Variants in PLEKHA7 observed in about 807,000 individuals in gnomAD.
PLEKHA7 encodes pleckstrin homology domain containing A7.
A neutral mutation model predicts 170.0 loss-of-function variants in PLEKHA7; 104 were observed. That is an observed-to-expected ratio of 0.61 (90% CI 0.52 to 0.72). The LOEUF (loss-of-function observed/expected upper bound fraction) is 0.72, where lower values mean the gene tolerates loss of function less well. PLEKHA7 is among the 30% of genes least tolerant of loss of function. The probability of loss-of-function intolerance (pLI) is 0.00; values close to 1 mark genes in which losing one functional copy is unlikely to be tolerated. For synonymous variants in PLEKHA7, 648 were observed against 660.8 expected (o/e 0.98, Z 0.30); for missense variants, 1,615 against 1,671.7 (o/e 0.97, Z 0.59).
chr11:16,913,947 T>C (rs1046303266), intron 3 of PLEKHA7, among the ~76,000 whole-genome samples: 7 of 152,248 alleles, frequency 4.6e-5, no homozygotes, highest in Admixed American at 3.9e-4. Flanking sequence ...AAATCGTTCT[T>C]TAAAAAGTGA....
chr11:16,983,851 C>T (rs1863578605), intron 3 of PLEKHA7, among the ~76,000 whole-genome samples: 1 of 152,150 alleles, frequency 6.6e-6, no homozygotes, highest in Non-Finnish European at 1.5e-5. Context: ...GACTAGAAGG[C>T]ACCCAGGTCC....
At chr11:16,954,893 T>C (rs1320151986) in intron 3 of PLEKHA7, among the ~76,000 whole-genome samples, 1 of 152,056 alleles carries the variant, frequency 6.6e-6, no homozygotes, top group African/African-American at 2.4e-5. Context: ...GGTTTCACTA[T>C]GTTGGCCAGG....
intron 3 of PLEKHA7, among the ~76,000 whole-genome samples, chr11:17,004,402 T>TC (rs1432228927): frequency 6.6e-6 from 1 of 151,418 alleles, no homozygotes; most frequent in Non-Finnish European, 1.5e-5. Flanking sequence ...TTTTTCTTTT[T>TC]TTTTTTTAAG....
chr11:16,782,416 C>T (rs1056679743), intron 26 of PLEKHA7, among the ~76,000 whole-genome samples: 1 of 152,162 alleles, frequency 6.6e-6, no homozygotes. Context: ...AAACCTTGGC[C>T]CCTTGGCTCA....
At chr11:16,800,452 A>G (rs181219725) in intron 17 of PLEKHA7, among the ~76,000 whole-genome samples, 1 of 152,304 alleles carries the variant, frequency 6.6e-6, no homozygotes, top group East Asian at 1.9e-4. Flanking sequence ...GGTCACAGAG[A>G]TGGGCATCAC....
intron 4 of PLEKHA7, among the ~76,000 whole-genome samples, chr11:16,868,963 G>C (rs1854613240): frequency 6.6e-6 from 1 of 152,138 alleles, no homozygotes; most frequent in Admixed American, 6.5e-5. Context: ...ATGGAAGTTG[G>C]TAACTTCCCA....
At chr11:17,012,052 C>G (rs555571917) in intron 3 of PLEKHA7, among the ~76,000 whole-genome samples, 1 of 152,296 alleles carries the variant, frequency 6.6e-6, no homozygotes, top group Non-Finnish European at 1.5e-5. Flanking sequence ...GTGCTACCAC[C>G]CTCAGGCAAG....
At position 16,791,659 on chromosome 11, in the gene PLEKHA7, C is replaced by A. The variant is rs751750044; in HGVS notation, c.2746-460G>T. 6 of 459,338 alleles carry A rather than the reference C, an allele frequency of 1.3e-5. No homozygotes were observed. The highest frequency in any genetic ancestry group is 2.2e-5 in the Non-Finnish European group (5 of 228,928). 28.5% of individuals were successfully genotyped at this position (459,338 alleles called of 1,614,324 possible). ...CTCATTGGCCCTACACGAGCTCTGGCGCCTTCAGCAAGGTGGGGACCTGAA... is the reference window on the plus strand; with the variant it reads ...CTCATTGGCCCTACACGAGCTCTGGAGCCTTCAGCAAGGTGGGGACCTGAA... On this transcript the variant is annotated intron_variant, in intron 19 of 26. Transcript: ENST00000531066. This position sits in a 1 kb window ranked among gnomAD's most constrained non-coding sequence, Gnocchi z 4.5.
Position 16,954,812 on chromosome 11 carries a change from T to A in PLEKHA7, c.221+59177A>T, listed in dbSNP as rs368841634. 5.9e-5 allele frequency among the ~76,000 whole-genome samples: 9 copies of A among 151,698 alleles called. No individual in the cohort carries two copies. The South Asian group carries it at 6.2e-4, about 11-fold the overall frequency. On this transcript the variant is annotated intron_variant, in intron 3 of 26. Transcript: ENST00000531066. ...TTCAAGCAATTCTCCTGCTTCAGCC[T>A]CCGGAGTAGCTGGGATTGCAGGCAC... is the stretch of plus-strand genomic sequence containing the variant.
chr11:16,826,632 A>G, intron 9 of PLEKHA7, 42 bp from the exon 10 acceptor site: 2 of 1,544,534 alleles, frequency 1.3e-6, no homozygotes, highest in South Asian at 1.2e-5. Flanking sequence ...CACAGCCAAG[A>G]CTCCATGATG....
chr11:16,971,188 C>A (rs1031077299), intron 3 of PLEKHA7, among the ~76,000 whole-genome samples: 3 of 152,176 alleles, frequency 2.0e-5, no homozygotes, highest in African/African-American at 7.2e-5. Flanking sequence ...ATGACCTTTA[C>A]ACAAGTCAAT....
chr11:16,988,618 T>C (rs1456752149), intron 3 of PLEKHA7, among the ~76,000 whole-genome samples: 1 of 151,750 alleles, frequency 6.6e-6, no homozygotes, highest in Non-Finnish European at 1.5e-5. Flanking sequence ...AGCTAATTTT[T>C]TGTATTTTTA....
chr11:16,820,107 C>A (rs998025847), intron 10 of PLEKHA7, among the ~76,000 whole-genome samples: 5 of 152,168 alleles, frequency 3.3e-5, no homozygotes, highest in African/African-American at 1.2e-4. Flanking sequence ...TGGTTATCAG[C>A]CCCACCTCAG....
intron 3 of PLEKHA7, among the ~76,000 whole-genome samples, chr11:16,880,444 C>T (rs992594305): frequency 6.6e-6 from 1 of 152,230 alleles, no homozygotes; most frequent in Admixed American, 6.5e-5. Flanking sequence ...ACACTTCAAC[C>T]TTCAGTGCCT....
chr11:16,841,273 TC>T (rs1382409607), intron 9 of PLEKHA7, among the ~76,000 whole-genome samples: 1 of 152,152 alleles, frequency 6.6e-6, no homozygotes, highest in Non-Finnish European at 1.5e-5. Flanking sequence ...GCCTGTCCTC[TC>T]CCTACCTGGT....
chr11:16,950,762 T>C (rs1861357834), intron 3 of PLEKHA7, among the ~76,000 whole-genome samples: 1 of 152,208 alleles, frequency 6.6e-6, no homozygotes, highest in South Asian at 2.1e-4. Context: ...AACAGCTTTT[T>C]CCAAACATTT....
intron 3 of PLEKHA7, among the ~76,000 whole-genome samples, chr11:16,946,833 G>A (rs1003535045): frequency 6.6e-6 from 1 of 151,674 alleles, no homozygotes; most frequent in Non-Finnish European, 1.5e-5. Context: ...ACACTCCCTC[G>A]GCCACCATTC....
At chr11:16,906,514 G>T (rs556844290) in intron 3 of PLEKHA7, among the ~76,000 whole-genome samples, 3 of 139,620 alleles carry the variant, frequency 2.1e-5, no homozygotes, top group African/African-American at 6.2e-5. Context: ...GTGGAGACGG[G>T]GTTTCGCTGT....
intron 8 of PLEKHA7, among the ~76,000 whole-genome samples, chr11:16,849,133 C>A (rs970139943): frequency 6.6e-6 from 1 of 152,174 alleles, no homozygotes; most frequent in African/African-American, 2.4e-5. Flanking sequence ...CCCAAACACA[C>A]GATGCCTTCT....
Sources: allele counts gnomAD v4.1 joint callset (sites outside exome capture counted in the v4.1 genomes callset), GRCh38; gene constraint gnomAD v4.1.1; non-coding constraint Gnocchi (gnomAD v3.1); transcripts MANE v1.5; gene names NCBI Gene and HGNC (gene_info 2026-07-23, HGNC 2026-07-21).